Variants in KRT8 observed in about 807,000 individuals in gnomAD.
The protein encoded by KRT8 is keratin 8.
In KRT8, 24 loss-of-function variants were observed where a neutral mutation model predicts 43.0. The ratio of observed to expected loss-of-function variants is 0.56; its 90% CI spans 0.40 to 0.78. The LOEUF (loss-of-function observed/expected upper bound fraction) is 0.78, where lower values mean the gene tolerates loss of function less well. Ranked by LOEUF, KRT8 falls within the 30% of genes least tolerant of loss-of-function variation. The pLI, the probability that KRT8 is intolerant of heterozygous loss-of-function variation, is 0.00. For synonymous variants in KRT8, 214 were observed against 261.2 expected (o/e 0.82, Z 1.74); for missense variants, 492 against 638.4 (o/e 0.77, Z 2.47).
intron 2 of KRT8, among the ~76,000 whole-genome samples, chr12:52,918,218 A>AAGAAGAAGG (rs1941810926): frequency 2.2e-5 from 3 of 134,814 alleles, no homozygotes; most frequent in South Asian, 2.3e-4. Context: ...GAAGAAGAAG[A>AAGAAGAAGG]AGAAGAAGAA....
intron 2 of KRT8, among the ~76,000 whole-genome samples, chr12:52,933,968 G>A (rs1256799964): frequency 6.6e-6 from 1 of 151,584 alleles, no homozygotes; most frequent in East Asian, 2.0e-4. Flanking sequence ...GGTGGCTCAC[G>A]CCTGTAATCC....
At chr12:52,904,086 C>T (rs751419012) in intron 1 of KRT8, among the ~76,000 whole-genome samples, 48 of 151,946 alleles carry the variant, frequency 3.2e-4, no homozygotes, top group Non-Finnish European at 5.4e-4. Flanking sequence ...GAGACACCCA[C>T]TTCCTTCTCC....
intron 1 of KRT8, chr12:52,903,769 C>G (rs1325528001): frequency 2.0e-5 from 3 of 152,266 alleles, no homozygotes; most frequent in Non-Finnish European, 4.4e-5. Flanking sequence ...AGGACGTAAA[C>G]CCCGGGCGGG....
At chr12:52,908,381 C>T (rs1941566546), upstream of KRT8, among the ~76,000 whole-genome samples, 1 of 152,180 alleles carries the variant, frequency 6.6e-6, no homozygotes, top group Non-Finnish European at 1.5e-5. Context: ...CAACCTTGTT[C>T]ATAATAGCCA....
upstream of KRT8, among the ~76,000 whole-genome samples, chr12:52,908,230 T>C (rs1941563573): frequency 6.6e-6 from 1 of 152,132 alleles, no homozygotes; most frequent in Non-Finnish European, 1.5e-5. Context: ...AACAAGTTTT[T>C]TTTTTTCTTT....
intron 2 of KRT8, among the ~76,000 whole-genome samples, chr12:52,934,829 C>T (rs1461571133): frequency 1.3e-5 from 2 of 151,510 alleles, no homozygotes; most frequent in East Asian, 2.0e-4. Flanking sequence ...ATTAGCTGGG[C>T]ATGGTGGCGT....
At chr12:52,928,408 C>G (rs929696346) in intron 2 of KRT8, among the ~76,000 whole-genome samples, 1 of 152,126 alleles carries the variant, frequency 6.6e-6, no homozygotes, top group Admixed American at 6.5e-5. Context: ...CCTTACCTCC[C>G]CTTGGAGGTG....
chr12:52,949,848 G>A (rs989916446), exon 1 of KRT8: 2 of 701,244 alleles, frequency 2.9e-6, no homozygotes, highest in African/African-American at 1.7e-5. Context: ...AGCATGGAGG[G>A]AGGTAAGGAA....
At chr12:52,905,719 G>A (rs10431539), upstream of KRT8, among the ~76,000 whole-genome samples, 2,714 of 75,700 alleles carry the variant, frequency 0.036, 169 homozygotes, top group Admixed American at 0.2. Flanking sequence ...AACATCACAC[G>A]CGCACACACA....
chr12:52,904,896 G>A, exon 1 of KRT8: 1 of 1,612,868 alleles, frequency 6.2e-7, no homozygotes, highest in Non-Finnish European at 8.5e-7. Context: ...GCGGGAACCG[G>A]GCCCACTCGT....
rs779038487 is a variant in KRT8 at position 52,949,354 on chromosome 12, G to T, written c.-47+102C>A. ...CAGCTTCAGGGGCGGCATGGGGTCC[G>T]GGGGCCTGGCCACCGGGATAGCCGG... On this transcript the variant is annotated intron_variant, in intron 2 of 6. Coordinates refer to the KRT8 transcript ENST00000546826. 5 of 1,609,520 alleles carry T rather than the reference G, an allele frequency of 3.1e-6. No individual in the cohort carries two copies. The South Asian group carries it at 4.4e-5, about 14-fold the overall frequency.
intron 2 of KRT8, chr12:52,926,332 G>GCCCCCCCCCCC: frequency 2.8e-5 from 17 of 600,238 alleles, no homozygotes; most frequent in East Asian, 3.3e-5. Context: ...GGCACTAGCT[G>GCCCCCCCCCCC]CCCTCCCCAC....
At position 52,898,913 on chromosome 12, in the gene KRT8, G is replaced by A. The variant is rs201190208; in HGVS notation, c.982-14C>T. ...CAGGGAAGCCCTCTGTGGGGTAGGG[G>A]ACAGGTAAGTAGGTCAGGTTGGGTA... On this transcript the variant is annotated splice_polypyrimidine_tract_variant and intron_variant, in intron 5 of 7. Coordinates refer to ENST00000692008, the Ensembl canonical transcript of KRT8. The A allele has an allele frequency of 9.9e-6, 16 of 1,612,052 alleles. No individual in the cohort carries two copies. The Admixed American group carries it at 2.7e-4, about 27-fold the overall frequency.
chr12:52,901,598 T>G (rs1941371473), intron 2 of KRT8: 6 of 580,222 alleles, frequency 1.0e-5, no homozygotes, highest in Non-Finnish European at 1.8e-5. Flanking sequence ...CTCTCCCGTC[T>G]CAGGTTTACC....
chr12:52,922,937 A>G (rs1297367690), intron 2 of KRT8, among the ~76,000 whole-genome samples: 1 of 152,144 alleles, frequency 6.6e-6, no homozygotes, highest in Non-Finnish European at 1.5e-5. Flanking sequence ...TGATCGGCCA[A>G]CACCTCTGAT....
upstream of KRT8, among the ~76,000 whole-genome samples, chr12:52,905,631 CT>C (rs1215675085): frequency 2.6e-5 from 4 of 152,152 alleles, no homozygotes; most frequent in South Asian, 6.2e-4. Flanking sequence ...TGTTCTACCC[CT>C]AGCACCTGGT....
At chr12:52,936,724 A>G (rs1187827161) in intron 2 of KRT8, among the ~76,000 whole-genome samples, 1 of 152,138 alleles carries the variant, frequency 6.6e-6, no homozygotes, top group Non-Finnish European at 1.5e-5. Flanking sequence ...CATTTTGGTC[A>G]GGCTGGTCTT....
rs1378826749 is a variant in KRT8 at position 52,899,984 on chromosome 12, T to C, written c.772A>G (p.Ser258Gly). ...TGTGCCTTGACCTCAGCAATGATGC[T>C]GTCCATGTCCAGGGAGCGGCTGTTG... The change falls in exon 5 of 8, where the codon AGC becomes GGC. Residue 258 changes from serine to glycine, a missense_variant. Transcript: ENST00000692008. 3.1e-6 allele frequency: 5 copies of C among 1,613,234 alleles called. No individual in the cohort carries two copies. The South Asian group carries it at 3.3e-5, about 11-fold the overall frequency.
At position 52,904,611 on chromosome 12, in the gene KRT8, G is replaced by A. The variant is rs370503524; in HGVS notation, c.324+47C>T. 3.2e-5 allele frequency: 50 copies of A among 1,562,094 alleles called. No homozygotes were observed. In the African/African-American group the frequency reaches 6.2e-4, roughly 19 times the overall value. Reference sequence around the variant, plus strand: ...TGTGCATAGGGACCGGGACTACCAGGAGAAAGGGGCTGCGGGCACAGTCAG... The same window carrying A: ...TGTGCATAGGGACCGGGACTACCAGAAGAAAGGGGCTGCGGGCACAGTCAG... On this transcript the variant is annotated intron_variant, in intron 1 of 7. Coordinates refer to ENST00000692008, the Ensembl canonical transcript of KRT8.
Sources: gnomAD v4.1 joint callset for allele counts (sites outside exome capture counted in the v4.1 genomes callset) on GRCh38, gnomAD v4.1.1 for gene constraint, MANE v1.5 for transcripts, NCBI Gene and HGNC (gene_info 2026-07-23, HGNC 2026-07-21) for gene names.